The following MARK2 variants were observed in gnomAD, a reference collection of about 807,000 sequenced individuals.
The protein encoded by MARK2 is microtubule affinity regulating kinase 2, also known as serine/threonine-protein kinase MARK2.
Under a neutral mutation model 89.8 loss-of-function variants are expected in MARK2, and 16 were observed. The observed-to-expected ratio is 0.18, with a 90% CI of 0.12 to 0.27. The LOEUF is 0.27. Among genes scored for constraint, MARK2 ranks in the 10% least tolerant of loss-of-function variants. The pLI, the probability that MARK2 is intolerant of heterozygous loss-of-function variation, is 1.00. For synonymous variants in MARK2, 382 were observed against 399.5 expected (o/e 0.96, Z 0.52); for missense variants, 621 against 1,049.9 (o/e 0.59, Z 5.65).
In MARK2 at chr11:63,901,056, A is replaced by G; in HGVS notation, c.1088A>G (p.Tyr363Cys). ...ATGGCCACCTATCTGCTCCTGGGCT[A>G]CAAGAGCTCCGAGGTGTGTGCTCCC... Reference protein sequence around the residue: ...EVMATYLLLGYKSSELEGDTI... With the variant: ...EVMATYLLLGCKSSELEGDTI... Residue 363 changes from tyrosine to cysteine, a missense_variant, in exon 11 of 19, where the codon TAC becomes TGC. Tyr to Cys is a radical substitution (Grantham distance 194). Coordinates refer to ENST00000402010, the MANE Select transcript of MARK2 (RefSeq NM_001039469.3). 2 of 1,611,136 alleles carry G rather than the reference A, an allele frequency of 1.2e-6. No homozygotes were observed. The highest frequency in any genetic ancestry group is 1.7e-6 in the Non-Finnish European group (2 of 1,177,266).
chr11:63,906,949 G>A (rs1941390657), intron 17 of MARK2, among the ~76,000 whole-genome samples: 1 of 151,984 alleles, frequency 6.6e-6, no homozygotes, highest in African/African-American at 2.4e-5. Flanking sequence ...CTAGGGCAAC[G>A]GCCATTCTAC....
intron 1 of MARK2, among the ~76,000 whole-genome samples, chr11:63,852,193 A>G (rs906118705): frequency 1.3e-5 from 2 of 152,142 alleles, no homozygotes; most frequent in Non-Finnish European, 2.9e-5. Context: ...TGTTTTCTAT[A>G]ATTTTTAAGG....
intron 1 of MARK2, among the ~76,000 whole-genome samples, chr11:63,877,505 C>A (rs1175802416): frequency 6.6e-6 from 1 of 151,866 alleles, no homozygotes; most frequent in Non-Finnish European, 1.5e-5. Flanking sequence ...TTGAGAGGAG[C>A]TTGGGCAACA....
At chr11:63,848,090 G>A (rs1164207734) in intron 1 of MARK2, among the ~76,000 whole-genome samples, 2 of 152,202 alleles carry the variant, frequency 1.3e-5, no homozygotes, top group Non-Finnish European at 2.9e-5. Context: ...CATGTGTGCT[G>A]ACACTTCCTG....
At chr11:63,874,213 C>T (rs1260614409) in intron 1 of MARK2, among the ~76,000 whole-genome samples, 2 of 152,196 alleles carry the variant, frequency 1.3e-5, no homozygotes, top group Non-Finnish European at 2.9e-5. Flanking sequence ...CTGCCTTATC[C>T]CCTCTGCCCT....
intron 1 of MARK2, among the ~76,000 whole-genome samples, chr11:63,856,768 G>GGTTTTTTT (rs1565100741): frequency 1.9e-4 from 10 of 53,808 alleles, no homozygotes; most frequent in African/African-American, 7.3e-4. Context: ...AATTTTTCAT[G>GGTTTTTTT]TTTTTTTTTT....
chr11:63,839,162 G>A lies in MARK2; in HGVS notation c.-345G>A, dbSNP rs948925512. 4.9e-6 allele frequency: 1 copy of A among 202,134 alleles called. No individual in the cohort carries two copies. Among genetic ancestry groups the A allele is most frequent in the Non-Finnish European group, 9.8e-6 (1 of 102,114 alleles). The allele number at this position is 202,134 out of a possible 1,614,324, so 12.5% of individuals were successfully genotyped here. Reference sequence around the variant, plus strand: ...AGCAGGTCCGGCGGCGGCTGCCTGTGTGCCGGGCGCGGAGCAGTGCCGCTG... The same window carrying A: ...AGCAGGTCCGGCGGCGGCTGCCTGTATGCCGGGCGCGGAGCAGTGCCGCTG... On this transcript the variant is annotated 5_prime_UTR_variant, in exon 1 of 19. The change creates a new upstream start codon in the 5' untranslated region. Coordinates refer to ENST00000402010, the MANE Select transcript of MARK2 (RefSeq NM_001039469.3).
In MARK2 at chr11:63,903,413, C is replaced by G. The variant is rs1159172214; in HGVS notation, c.1514+255C>G. On this transcript the variant is annotated intron_variant, in intron 14 of 18. Transcript: ENST00000402010. This position sits in a 1 kb window ranked among gnomAD's most constrained non-coding sequence, Gnocchi z 5.1. ...GGCCATCTCAGCTACATGCTCGCTT[C>G]TTGACCACGGCCAGGGCATGGCAGC... 8 of 502,670 alleles carry G rather than the reference C, an allele frequency of 1.6e-5. No individual in the cohort carries two copies. Among genetic ancestry groups the G allele is most frequent in the Non-Finnish European group, 2.9e-5 (8 of 274,506 alleles). The allele number at this position is 502,670 out of a possible 1,614,324, so 31.1% of individuals were successfully genotyped here. A position where few individuals can be genotyped will look rare whatever the true frequency, so the allele number is the denominator to read the frequency against.
chr11:63,876,232 CAAACTT>C (rs1276406795), intron 1 of MARK2, among the ~76,000 whole-genome samples: 62 of 17,272 alleles, frequency 3.6e-3, no homozygotes, highest in African/African-American at 0.019. Flanking sequence ...ACTTAGCCTT[CAAACTT>C]AGCCTTCAAC....
chr11:63,874,467 C>T (rs1938624771), intron 1 of MARK2, among the ~76,000 whole-genome samples: 1 of 152,136 alleles, frequency 6.6e-6, no homozygotes, highest in Non-Finnish European at 1.5e-5. Flanking sequence ...GTTTCCCCTC[C>T]ACTCCACCCC....
chr11:63,840,302 G>A (rs937311970), intron 1 of MARK2, among the ~76,000 whole-genome samples: 1 of 152,144 alleles, frequency 6.6e-6, no homozygotes, highest in Non-Finnish European at 1.5e-5. Context: ...CACAGGTTGC[G>A]TTTGGGGTTC....
intron 1 of MARK2, chr11:63,888,744 C>CAGG (rs1197197696): frequency 2.5e-6 from 3 of 1,206,860 alleles, no homozygotes; most frequent in Non-Finnish European, 3.2e-6. Context: ...GGTTCCCAGG[C>CAGG]AGGAACCGCT....
rs1939516447 is a variant in MARK2, at chr11:63,888,170, T to G, written c.55-6989T>G. On this transcript the variant is annotated intron_variant, in intron 1 of 18. Coordinates refer to ENST00000402010, the MANE Select transcript of MARK2 (RefSeq NM_001039469.3). ...ATGTTTCCAAGGTTAAGCACTGCTT[T>G]TTTAGGAAGTAGGAGGTCCGTCCGC... Among the ~76,000 whole-genome samples the G allele has an allele frequency of 7.2e-5, 11 of 152,260 alleles. 2 individuals are homozygous for G. The South Asian group carries it at 2.3e-3, about 32-fold the overall frequency.
intron 1 of MARK2, among the ~76,000 whole-genome samples, chr11:63,880,672 G>C (rs765900621): frequency 6.6e-6 from 1 of 152,184 alleles, no homozygotes; most frequent in Non-Finnish European, 1.5e-5. Flanking sequence ...GTGAAGGAGA[G>C]GGTTTTCCCT....
rs751115088 is a variant in MARK2 at position 63,895,164 on chromosome 11, C to T, written c.60C>T (p.Thr20=). Residue 20 remains threonine (T), a synonymous_variant, in exon 2 of 19, where the codon ACC becomes ACT. Transcript: ENST00000402010. Reference sequence around the variant, plus strand: ...TCTCTGTTTCCACCCCGCAGCCCACCTTGGGACACCTTGACTCCAAGCCCA... The same window carrying T: ...TCTCTGTTTCCACCCCGCAGCCCACTTTGGGACACCTTGACTCCAAGCCCA... The part of the protein sequence containing the change: ...TLNERDTEQP[T]LGHLDSKPSS... 13 of 1,612,714 alleles carry T rather than the reference C, an allele frequency of 8.1e-6. No individual in the cohort carries two copies. Among genetic ancestry groups the T allele is most frequent in the Admixed American group, 1.7e-5 (1 of 59,890 alleles).
intron 1 of MARK2, among the ~76,000 whole-genome samples, chr11:63,859,888 CT>C (rs755384976): frequency 1.4e-4 from 22 of 152,228 alleles, no homozygotes; most frequent in Non-Finnish European, 2.5e-4. Context: ...CCGTGGCCTC[CT>C]AAAGTACTGG....
chr11:63,872,233 C>T (rs1416858984), intron 1 of MARK2, among the ~76,000 whole-genome samples: 1 of 152,196 alleles, frequency 6.6e-6, no homozygotes. Context: ...CTTTCCTCTC[C>T]CTGTGGGAGG....
chr11:63,880,827 C>T (rs142289448), intron 1 of MARK2, among the ~76,000 whole-genome samples: 169 of 152,314 alleles, frequency 1.1e-3, no homozygotes, highest in African/African-American at 3.8e-3. Context: ...TAGGGGATCT[C>T]GTGGCTCATT....
chr11:63,895,708 C>A, intron 3 of MARK2, 75 bp downstream of exon 3: 2 of 1,251,960 alleles, frequency 1.6e-6, no homozygotes, highest in South Asian at 1.2e-5. Context: ...TCACTCTTGT[C>A]GCCCAGGCTG....
Sources: gnomAD v4.1 joint callset for allele counts (sites outside exome capture counted in the v4.1 genomes callset) on GRCh38, gnomAD v4.1.1 for gene constraint, Gnocchi (gnomAD v3.1) non-coding constraint, MANE v1.5 for transcripts, NCBI Gene and HGNC (gene_info 2026-07-23, HGNC 2026-07-21) for gene names.